The following ANKFN1 variants were observed in gnomAD, a reference collection of about 807,000 sequenced individuals.
ANKFN1 encodes ankyrin repeat and fibronectin type-III domain-containing protein 1.
Under a neutral mutation model 108.7 loss-of-function variants are expected in ANKFN1, and 74 were observed. That is an observed-to-expected ratio of 0.68 (90% CI 0.56 to 0.83). ANKFN1 has a LOEUF of 0.83. ANKFN1 is among the 40% of genes least tolerant of loss of function. The pLI, the probability that ANKFN1 is intolerant of heterozygous loss-of-function variation, is 0.00. For synonymous variants in ANKFN1, 547 were observed against 516.2 expected (o/e 1.06, Z -0.81); for missense variants, 1,505 against 1,382.3 (o/e 1.09, Z -1.41).
At chr17:56,443,851 AT>A (rs1389296621) in intron 10 of ANKFN1, among the ~76,000 whole-genome samples, 3 of 152,350 alleles carry the variant, frequency 2.0e-5, no homozygotes, top group Non-Finnish European at 4.4e-5. Context: ...TTGTATTTTC[AT>A]TTTTTAAAAA....
intron 4 of ANKFN1, among the ~76,000 whole-genome samples, chr17:56,055,584 TATATGTATATATAC>T (rs1904860015): frequency 8.8e-6 from 1 of 113,198 alleles, no homozygotes; most frequent in Non-Finnish European, 1.7e-5. Context: ...TATATATATA[TATATGTATATATAC>T]ACATTTTTTT....
At chr17:56,072,057 T>G (rs1905126754) in intron 4 of ANKFN1, among the ~76,000 whole-genome samples, 3 of 152,230 alleles carry the variant, frequency 2.0e-5, no homozygotes, top group Admixed American at 2.0e-4. Context: ...ATCTTAGTTT[T>G]AGTCATTTTC....
intron 4 of ANKFN1, among the ~76,000 whole-genome samples, chr17:56,146,707 G>C (rs1208083981): frequency 6.6e-6 from 1 of 152,200 alleles, no homozygotes; most frequent in Non-Finnish European, 1.5e-5. Context: ...AAAGCAGGGA[G>C]GCCCTGGGCC....
intron 4 of ANKFN1, among the ~76,000 whole-genome samples, chr17:56,124,235 T>G (rs573970735): frequency 6.6e-6 from 1 of 152,330 alleles, no homozygotes; most frequent in African/African-American, 2.4e-5. Flanking sequence ...TAATTTTCTC[T>G]TTTTATCCTA....
intron 1 of ANKFN1, among the ~76,000 whole-genome samples, chr17:56,156,076 CTT>C (rs529958919): frequency 3.7e-5 from 5 of 136,452 alleles, no homozygotes; most frequent in Admixed American, 7.4e-5. Context: ...CTCTCTCACT[CTT>C]TTTTTTTTTT....
intron 3 of ANKFN1, chr17:56,228,324 G>T: frequency 4.8e-6 from 1 of 208,982 alleles, no homozygotes; most frequent in Non-Finnish European, 9.4e-6. Context: ...CTCACCGTGT[G>T]GTCACAGACT....
At position 56,404,344 on chromosome 17, in the gene ANKFN1, G is replaced by A. The variant is rs574782206; in HGVS notation, c.910+29630G>A. 2.6e-5 allele frequency among the ~76,000 whole-genome samples: 4 copies of A among 152,128 alleles called. No homozygotes were observed. In the South Asian group the frequency reaches 8.3e-4, roughly 32 times the overall value. ...TTAACATAATCCCAGACTTCTTGGA[G>A]GCCTTGTTCATATTTTCTTATTCTT... On this transcript the variant is annotated intron_variant, in intron 8 of 20. Coordinates refer to ENST00000682825, the MANE Select transcript of ANKFN1 (RefSeq NM_001370326.1).
intron 9 of ANKFN1, among the ~76,000 whole-genome samples, chr17:56,442,398 T>A (rs2049135744): frequency 6.6e-6 from 1 of 152,216 alleles, no homozygotes; most frequent in South Asian, 2.1e-4. Context: ...TATAACTTAT[T>A]CATTTTCTAA....
chr17:56,112,516 T>G (rs8066871), intron 4 of ANKFN1, among the ~76,000 whole-genome samples: 23,972 of 151,838 alleles, frequency 0.16, 2,060 homozygotes, highest in East Asian at 0.28. Flanking sequence ...TTCTAACCCA[T>G]GTATCCAAGC....
intron 8 of ANKFN1, among the ~76,000 whole-genome samples, chr17:56,422,239 C>A (rs2048428038): frequency 6.6e-6 from 1 of 152,190 alleles, no homozygotes; most frequent in Non-Finnish European, 1.5e-5. Flanking sequence ...ATATCTGTCA[C>A]AAAATGTTTT....
chr17:56,227,293 T>C (rs562430294), intron 2 of ANKFN1, among the ~76,000 whole-genome samples: 2 of 152,246 alleles, frequency 1.3e-5, no homozygotes, highest in South Asian at 4.1e-4. Flanking sequence ...GCCTGCACAA[T>C]TGGCCTTCCA....
rs574210445 is a variant in ANKFN1 at position 56,445,463 on chromosome 17, A to G, written c.1099+2530A>G. Among the ~76,000 whole-genome samples the G allele has an allele frequency of 2.6e-5, 4 of 152,378 alleles. No individual in the cohort carries two copies. The South Asian group carries it at 8.3e-4, about 32-fold the overall frequency. Reference sequence around the variant, plus strand: ...TTAACTGGTAATTAACATATCAAATAGCAACTACTTTCTAAAATAGTATGT... The same window carrying G: ...TTAACTGGTAATTAACATATCAAATGGCAACTACTTTCTAAAATAGTATGT... On this transcript the variant is annotated intron_variant, in intron 10 of 20. Coordinates refer to ENST00000682825, the MANE Select transcript of ANKFN1 (RefSeq NM_001370326.1).
chr17:56,088,549 C>G (rs562968919), intron 4 of ANKFN1, among the ~76,000 whole-genome samples: 1 of 150,742 alleles, frequency 6.6e-6, no homozygotes, highest in Non-Finnish European at 1.5e-5. Context: ...CTGATATGTC[C>G]CTCTTTGCCT....
rs1293204134 is a variant in ANKFN1, at chr17:56,297,244, G to C, written c.54-28977G>C. ...ATTGTTACGGCGTCTGGGCAGAGAG[G>C]AGCTTCGGAGCCAGACCTCTGAGGC... On this transcript the variant is annotated intron_variant, in intron 3 of 20. Transcript: ENST00000682825. Among the ~76,000 whole-genome samples, 2 of 152,216 alleles carry C rather than the reference G, an allele frequency of 1.3e-5. 1 individual carries two copies. Among genetic ancestry groups the C allele is most frequent in the South Asian group, 4.1e-4 (2 of 4,828 alleles).
At chr17:56,214,128 G>C (rs555903974) in intron 2 of ANKFN1, among the ~76,000 whole-genome samples, 51 of 152,326 alleles carry the variant, frequency 3.3e-4, no homozygotes, top group African/African-American at 1.2e-3. Flanking sequence ...CAATTAGCCT[G>C]TATTTATTAA....
chr17:56,052,882 G>A (rs1567778029), intron 4 of ANKFN1, among the ~76,000 whole-genome samples: 1 of 152,188 alleles, frequency 6.6e-6, no homozygotes, highest in Non-Finnish European at 1.5e-5. Flanking sequence ...AGGGTCTCAT[G>A]CCACTTGAAA....
intron 18 of ANKFN1, among the ~76,000 whole-genome samples, chr17:56,483,545 C>T (rs193224560): frequency 2.6e-5 from 4 of 152,308 alleles, no homozygotes; most frequent in Admixed American, 2.6e-4. Flanking sequence ...AACTGATGAA[C>T]AGCAATTGTT....
intron 8 of ANKFN1, among the ~76,000 whole-genome samples, chr17:56,421,747 A>G (rs2048411574): frequency 6.6e-6 from 1 of 152,180 alleles, no homozygotes; most frequent in Non-Finnish European, 1.5e-5. Context: ...TTTTCATATC[A>G]TTATGTCATT....
At chr17:56,317,629 A>G (rs977472434) in intron 3 of ANKFN1, among the ~76,000 whole-genome samples, 2 of 152,112 alleles carry the variant, frequency 1.3e-5, no homozygotes, top group Admixed American at 6.6e-5. Context: ...TGCTGTTGTT[A>G]TTTTTATTTT....
Sources: allele counts gnomAD v4.1 joint callset (sites outside exome capture counted in the v4.1 genomes callset), GRCh38; gene constraint gnomAD v4.1.1; transcripts MANE v1.5; gene names NCBI Gene and HGNC (gene_info 2026-07-23, HGNC 2026-07-21).